MEI4: variants seen among roughly 807,000 people sequenced by gnomAD.
MEI4 encodes the protein meiosis-specific protein MEI4.
In MEI4, 27 loss-of-function variants were observed where a neutral mutation model predicts 31.4. That is an observed-to-expected ratio of 0.86 (90% CI 0.63 to 1.19). The LOEUF is 1.19. MEI4 is among the 50% of genes most tolerant of loss of function. The probability of loss-of-function intolerance (pLI) is 0.00; values close to 1 mark genes in which losing one functional copy is unlikely to be tolerated. For synonymous variants in MEI4, 122 were observed against 145.4 expected (o/e 0.84, Z 1.16); for missense variants, 329 against 398.9 (o/e 0.82, Z 1.49).
intron 4 of MEI4, among the ~76,000 whole-genome samples, chr6:77,838,747 CA>C: frequency 6.6e-6 from 1 of 151,888 alleles, no homozygotes; most frequent in South Asian, 2.1e-4. Context: ...ACTAAAAATA[CA>C]AAAAAATTAG....
At chr6:77,853,420 A>G (rs887976613) in intron 4 of MEI4, among the ~76,000 whole-genome samples, 1 of 152,152 alleles carries the variant, frequency 6.6e-6, no homozygotes, top group African/African-American at 2.4e-5. Context: ...TAATAGCAAA[A>G]ACAAAAGTGC....
At chr6:77,881,366 C>G (rs936602495) in intron 4 of MEI4, among the ~76,000 whole-genome samples, 2 of 152,076 alleles carry the variant, frequency 1.3e-5, no homozygotes, top group South Asian at 4.1e-4. Flanking sequence ...CAAAAAAACC[C>G]AAAACATTCT....
At chr6:77,723,103 TC>T (rs1454858716) in intron 2 of MEI4, among the ~76,000 whole-genome samples, 1 of 144,618 alleles carries the variant, frequency 6.9e-6, no homozygotes, top group African/African-American at 2.6e-5. Flanking sequence ...ATAGTCTGAA[TC>T]AACCACACTA....
intron 2 of MEI4, among the ~76,000 whole-genome samples, chr6:77,739,291 T>G (rs777127527): frequency 1.3e-5 from 2 of 152,204 alleles, no homozygotes; most frequent in Non-Finnish European, 2.9e-5. Flanking sequence ...AGTTTCAGTT[T>G]TCTGCATATG....
intron 2 of MEI4, among the ~76,000 whole-genome samples, chr6:77,745,117 C>T (rs989767898): frequency 1.3e-5 from 2 of 152,054 alleles, no homozygotes; most frequent in African/African-American, 2.4e-5. Flanking sequence ...TCACACATAA[C>T]AATATTAACT....
intron 2 of MEI4, among the ~76,000 whole-genome samples, chr6:77,754,392 C>T (rs1767861403): frequency 6.6e-6 from 1 of 152,138 alleles, no homozygotes. Context: ...CCAATAAGTT[C>T]CTCATCTGCA....
intron 4 of MEI4, among the ~76,000 whole-genome samples, chr6:77,837,065 C>T (rs1770235125): frequency 6.6e-6 from 1 of 152,062 alleles, no homozygotes; most frequent in Non-Finnish European, 1.5e-5. Context: ...ACCCTATTGG[C>T]CTAAAAATTT....
intron 4 of MEI4, among the ~76,000 whole-genome samples, chr6:77,837,198 C>T (rs951403222): frequency 6.6e-6 from 1 of 152,134 alleles, no homozygotes; most frequent in Non-Finnish European, 1.5e-5. Flanking sequence ...TTTTAAGAGA[C>T]TCTCCAAGGA....
At chr6:77,754,334 G>A (rs943648570) in intron 2 of MEI4, among the ~76,000 whole-genome samples, 9 of 152,116 alleles carry the variant, frequency 5.9e-5, no homozygotes, top group Non-Finnish European at 1.0e-4. Flanking sequence ...GCAAAATGCC[G>A]CCAGTCTCTT....
intron 4 of MEI4, among the ~76,000 whole-genome samples, chr6:77,890,299 C>T (rs1162930217): frequency 6.6e-6 from 1 of 152,208 alleles, no homozygotes; most frequent in Non-Finnish European, 1.5e-5. Flanking sequence ...CATGGGAGCC[C>T]ACCTCTAGCA....
At chr6:77,839,317 A>T (rs1441419547) in intron 4 of MEI4, among the ~76,000 whole-genome samples, 1 of 152,194 alleles carries the variant, frequency 6.6e-6, no homozygotes, top group Admixed American at 6.5e-5. Flanking sequence ...AAGTAGGTAA[A>T]GAGACTTCTG....
At chr6:77,754,093 C>A (rs1348370938) in intron 2 of MEI4, among the ~76,000 whole-genome samples, 4 of 151,828 alleles carry the variant, frequency 2.6e-5, no homozygotes, top group Admixed American at 6.6e-5. Flanking sequence ...CACACCATGT[C>A]CTGTAGGGGG....
rs147884601 is a variant in MEI4 at position 77,855,979 on chromosome 6, A to G, written c.900+26917A>G. Among the ~76,000 whole-genome samples the G allele has an allele frequency of 1.4e-3, 212 of 152,284 alleles. 1 individual carries two copies. The highest frequency in any genetic ancestry group is 4.5e-3 in the African/African-American group (186 of 41,562). On this transcript the variant is annotated intron_variant, in intron 4 of 4. Transcript: ENST00000684080. ...TACCTCATAAATATATACAAGAGTA[A>G]TCTGTCAATACATTAAAAAAATTGC... is the stretch of plus-strand genomic sequence containing the variant.
chr6:77,746,175 A>G (rs1767596546), intron 2 of MEI4, among the ~76,000 whole-genome samples: 1 of 152,222 alleles, frequency 6.6e-6, no homozygotes, highest in Non-Finnish European at 1.5e-5. Flanking sequence ...AAACTACTGA[A>G]TCCAGGAGCC....
At chr6:77,697,104 G>A (rs1766068877) in intron 2 of MEI4, among the ~76,000 whole-genome samples, 1 of 152,120 alleles carries the variant, frequency 6.6e-6, no homozygotes, top group Non-Finnish European at 1.5e-5. Flanking sequence ...TGTGTGATCG[G>A]TGGTGTTATT....
chr6:77,660,017 T>A (rs1350685142), intron 1 of MEI4, among the ~76,000 whole-genome samples: 1 of 152,108 alleles, frequency 6.6e-6, no homozygotes, highest in East Asian at 1.9e-4. Flanking sequence ...TCTGGGGAAG[T>A]CTTGCTGGAC....
intron 2 of MEI4, among the ~76,000 whole-genome samples, chr6:77,741,143 G>C (rs914207197): frequency 6.6e-6 from 1 of 152,160 alleles, no homozygotes; most frequent in Non-Finnish European, 1.5e-5. Flanking sequence ...AACCTGTGCA[G>C]TTATGTTAAT....
At chr6:77,829,962 A>G (rs1770038301) in intron 4 of MEI4, among the ~76,000 whole-genome samples, 1 of 152,130 alleles carries the variant, frequency 6.6e-6, no homozygotes, top group African/African-American at 2.4e-5. Flanking sequence ...TCAAATGACT[A>G]CAAAATGACA....
At chr6:77,735,874 T>C (rs34225571) in intron 2 of MEI4, among the ~76,000 whole-genome samples, 14,443 of 152,042 alleles carry the variant, frequency 0.095, 829 homozygotes, top group South Asian at 0.18. Context: ...CAGCTGCAGG[T>C]CTGTTGGAGT....
Sources: allele counts gnomAD v4.1 joint callset (sites outside exome capture counted in the v4.1 genomes callset), GRCh38; gene constraint gnomAD v4.1.1; transcripts MANE v1.5; gene names NCBI Gene and HGNC (gene_info 2026-07-23, HGNC 2026-07-21).